Variants in DMXL1 observed in about 807,000 individuals in gnomAD.
DMXL1 encodes Dmx like 1.
Under a neutral mutation model 319.2 loss-of-function variants are expected in DMXL1, and 99 were observed. The ratio of observed to expected loss-of-function variants is 0.31; its 90% confidence interval spans 0.26 to 0.37. The LOEUF is 0.37. Ranked by LOEUF, DMXL1 falls within the 10% of genes least tolerant of loss-of-function variation. The pLI, the probability that DMXL1 is intolerant of heterozygous loss-of-function variation, is 1.00. For missense variants in DMXL1, 3,745 were observed against 3,595.6 expected (o/e 1.04, Z -1.06); for synonymous variants, 1,385 against 1,235.2 (o/e 1.12, Z -2.54).
intron 33 of DMXL1, among the ~76,000 whole-genome samples, chr5:119,203,936 C>T (rs1781283395): frequency 6.6e-6 from 1 of 152,138 alleles, no homozygotes; most frequent in Non-Finnish European, 1.5e-5. Context: ...CATTCTCCTG[C>T]CTCAGCCTCC....
intron 10 of DMXL1, among the ~76,000 whole-genome samples, chr5:119,132,347 A>G (rs1172114849): frequency 1.3e-5 from 2 of 152,204 alleles, no homozygotes; most frequent in African/African-American, 2.4e-5. Flanking sequence ...GTGTTGTTAT[A>G]ATGAAGATAA....
rs553135623 is a variant in DMXL1 at position 119,206,303 on chromosome 5, A to C, written c.7864-531A>C. Among the ~76,000 whole-genome samples, 11 of 152,188 alleles carry C rather than the reference A, an allele frequency of 7.2e-5. No homozygotes were observed. In the South Asian group the frequency reaches 1.9e-3, roughly 26 times the overall value. On this transcript the variant is annotated intron_variant, in intron 33 of 43. Transcript: ENST00000539542. Reference sequence around the variant, plus strand: ...TGGAACAACTCTTTCTTTAACAAGTACTACTATTCCCTTTTAAGAAGTGTA... The same window carrying C: ...TGGAACAACTCTTTCTTTAACAAGTCCTACTATTCCCTTTTAAGAAGTGTA...
At chr5:119,173,758 A>ATATATATGTGTGTGTG in intron 25 of DMXL1, among the ~76,000 whole-genome samples, 1 of 113,162 alleles carries the variant, frequency 8.8e-6, no homozygotes, top group African/African-American at 3.8e-5. Flanking sequence ...GTGTGTGTAT[A>ATATATATGTGTGTGTG]TATATATATG....
intron 17 of DMXL1, 91 bp downstream of exon 17, chr5:119,147,561 C>A (rs1344961877): frequency 1.3e-5 from 10 of 790,108 alleles, no homozygotes; most frequent in Non-Finnish European, 2.1e-5. Flanking sequence ...TCTCTTAAAT[C>A]CACACAGAAC....
Position 119,071,513 on chromosome 5 carries a change from C to G in DMXL1, c.-57C>G, listed in dbSNP as rs374487430. 3.9e-6 allele frequency: 6 copies of G among 1,520,940 alleles called. No individual in the cohort carries two copies. The East Asian group carries it at 9.7e-5, about 25-fold the overall frequency. 94.2% of individuals were successfully genotyped at this position (1,520,940 alleles called of 1,614,324 possible). A position where few individuals can be genotyped will look rare whatever the true frequency, so the allele number is the denominator to read the frequency against. On this transcript the variant is annotated 5_prime_UTR_variant, in exon 1 of 44. Coordinates refer to ENST00000539542, the MANE Select transcript of DMXL1 (RefSeq NM_001290321.3). ...CTGAGGGAAGGAGGGAGGGAAGCAG[C>G]CGCTGACCCGTGGCATGAGCTGGAT...
At position 119,178,042 on chromosome 5, in the gene DMXL1, C is replaced by T; in HGVS notation, c.6933C>T (p.Ala2311=). 2 of 1,611,208 alleles carry T rather than the reference C, an allele frequency of 1.2e-6. 1 individual carries two copies. Among genetic ancestry groups the T allele is most frequent in the Non-Finnish European group, 1.7e-6 (2 of 1,178,418 alleles). ...TTTTGAATTCTTCTGGCGAGGAAGCCCAGTCAGGGCTTACAGTCTTGCTCT... is the reference window on the plus strand; with the variant it reads ...TTTTGAATTCTTCTGGCGAGGAAGCTCAGTCAGGGCTTACAGTCTTGCTCT... The part of the protein sequence containing the change: ...IRLLNSSGEE[A]QSGLTVLLCE... Residue 2311 remains alanine (A), a synonymous_variant, in exon 28 of 44, where the codon GCC becomes GCT. Transcript: ENST00000539542.
chr5:119,171,431 A>T (rs1774522351), intron 24 of DMXL1, 151 bp downstream of exon 24: 2 of 798,212 alleles, frequency 2.5e-6, no homozygotes, highest in Non-Finnish European at 3.8e-6. Context: ...ATTATGAATT[A>T]TAGAGTTGTG....
intron 19 of DMXL1, among the ~76,000 whole-genome samples, chr5:119,157,810 G>A (rs1771434978): frequency 6.6e-6 from 1 of 151,818 alleles, no homozygotes; most frequent in African/African-American, 2.4e-5. Flanking sequence ...GGTGTTTCTT[G>A]GTATTCCTAA....
intron 19 of DMXL1, among the ~76,000 whole-genome samples, chr5:119,161,345 A>G (rs1347963723): frequency 6.6e-6 from 1 of 152,236 alleles, no homozygotes; most frequent in African/African-American, 2.4e-5. Context: ...GGGCTGGGTT[A>G]CAGGATGTGT....
intron 10 of DMXL1, chr5:119,132,596 G>A: frequency 3.5e-6 from 1 of 287,462 alleles, no homozygotes; most frequent in Non-Finnish European, 6.9e-6. Context: ...GGAATTGCTT[G>A]GACCCGGGCA....
At chr5:119,078,768 C>T (rs1751550883) in intron 1 of DMXL1, among the ~76,000 whole-genome samples, 1 of 152,162 alleles carries the variant, frequency 6.6e-6, no homozygotes, top group South Asian at 2.1e-4. Flanking sequence ...ATATTCAGAT[C>T]AAGGAGTTCC....
intron 10 of DMXL1, 131 bp from the exon 11 acceptor site, chr5:119,133,001 G>A (rs947738846): frequency 2.3e-6 from 2 of 862,282 alleles, no homozygotes; most frequent in Non-Finnish European, 3.5e-6. Context: ...TGGCGGAAGG[G>A]GTACAGAGCT....
At chr5:119,239,775 G>GTGAA (rs1561947212) in intron 41 of DMXL1, among the ~76,000 whole-genome samples, 1 of 151,962 alleles carries the variant, frequency 6.6e-6, no homozygotes, top group African/African-American at 2.4e-5. Flanking sequence ...GGGCAACATG[G>GTGAA]TGAAACCCTA....
Position 119,170,276 on chromosome 5 carries a change from G to C in DMXL1, c.5485G>C (p.Gly1829Arg). 1.2e-6 allele frequency: 2 copies of C among 1,613,692 alleles called. No homozygotes were observed. The highest frequency in any genetic ancestry group is 8.5e-7 in the Non-Finnish European group (1 of 1,179,922). Residue 1829 changes from glycine to arginine, a missense_variant, in exon 24 of 44, where the codon GGA (glycine) becomes CGA (arginine). By Grantham distance (125) the Gly-to-Arg change is moderately radical (BLOSUM62 -2). This residue lies in a region of DMXL1 where 1,382 missense variants were observed against 1,269.5 expected (regional missense o/e 1.09). Coordinates refer to ENST00000539542, the MANE Select transcript of DMXL1 (RefSeq NM_001290321.3). ...TCCTCTTTTGCTGAGACGTCATTTT[G>C]GATCATCTGATACATTTTCCACACA... is the stretch of plus-strand genomic sequence containing the variant. ...THPLLLRRHF[G>R]SSDTFSTHMS... is the part of the protein sequence containing the mutation.
intron 19 of DMXL1, among the ~76,000 whole-genome samples, chr5:119,159,283 G>C (rs1020167761): frequency 2.0e-5 from 3 of 152,126 alleles, no homozygotes; most frequent in African/African-American, 7.2e-5. Context: ...TTTTAGTAGA[G>C]ACAGAGTTTC....
chr5:119,091,025 GTTTA>G (rs1561554665), intron 1 of DMXL1, among the ~76,000 whole-genome samples: 1 of 151,934 alleles, frequency 6.6e-6, no homozygotes, highest in African/African-American at 2.4e-5. Context: ...ATTTCAATCT[GTTTA>G]TTAACTTTTT....
chr5:119,080,065 A>G (rs1161297907), intron 1 of DMXL1, among the ~76,000 whole-genome samples: 1 of 152,164 alleles, frequency 6.6e-6, no homozygotes, highest in African/African-American at 2.4e-5. Context: ...ACAAATAATC[A>G]ATTTTAAAAT....
intron 1 of DMXL1, among the ~76,000 whole-genome samples, chr5:119,092,328 C>T (rs1037572247): frequency 2.6e-5 from 4 of 151,720 alleles, no homozygotes; most frequent in African/African-American, 9.7e-5. Context: ...CTGTGTTGCC[C>T]AGGCTGATCT....
intron 13 of DMXL1, among the ~76,000 whole-genome samples, chr5:119,141,797 G>T (rs1003962673): frequency 6.6e-6 from 1 of 152,092 alleles, no homozygotes; most frequent in African/African-American, 2.4e-5. Flanking sequence ...ATAAGAGGCT[G>T]TGTAGCCAAG....
Sources: gnomAD v4.1 joint callset for allele counts (sites outside exome capture counted in the v4.1 genomes callset) on GRCh38, gnomAD v4.1.1 for gene constraint, gnomAD v4.1.1 regional missense constraint, MANE v1.5 for transcripts, NCBI Gene and HGNC (gene_info 2026-07-23, HGNC 2026-07-21) for gene names.